SHC4: variants seen among roughly 807,000 people sequenced by gnomAD.
The protein encoded by SHC4 is SHC-transforming protein 4.
In SHC4, 41 loss-of-function variants were observed where a neutral mutation model predicts 69.4. The ratio of observed to expected loss-of-function variants is 0.59; its 90% CI spans 0.46 to 0.77. The LOEUF (loss-of-function observed/expected upper bound fraction) is 0.77. Ranked by LOEUF, SHC4 falls within the 30% of genes least tolerant of loss-of-function variation. The pLI is 0.00. For synonymous variants in SHC4, 318 were observed against 299.3 expected (o/e 1.06, Z -0.64); for missense variants, 777 against 783.8 (o/e 0.99, Z 0.10).
intron 11 of SHC4, among the ~76,000 whole-genome samples, chr15:48,829,568 T>C (rs1898756174): frequency 6.6e-6 from 1 of 152,234 alleles, no homozygotes; most frequent in African/African-American, 2.4e-5. Context: ...TGGTTATCAT[T>C]TTCATGGAAT....
intron 11 of SHC4, among the ~76,000 whole-genome samples, chr15:48,827,771 A>AT (rs1433580294): frequency 6.6e-6 from 1 of 152,136 alleles, no homozygotes; most frequent in Non-Finnish European, 1.5e-5. Context: ...AGTTTCAACT[A>AT]TTTTGAATTA....
At chr15:48,867,706 G>T in intron 6 of SHC4, 112 bp downstream of exon 6, 2 of 886,546 alleles carry the variant, frequency 2.3e-6, no homozygotes, top group Non-Finnish European at 3.6e-6. Context: ...CTAGAATCCA[G>T]TATAGCACCC....
chr15:48,899,189 A>G (rs897826882), intron 2 of SHC4, among the ~76,000 whole-genome samples: 1 of 152,202 alleles, frequency 6.6e-6, no homozygotes, highest in East Asian at 1.9e-4. Context: ...CAGTTTGGCC[A>G]GGTGTGGTGG....
chr15:48,855,617 GA>G (rs1207293319), intron 8 of SHC4, among the ~76,000 whole-genome samples: 1 of 152,128 alleles, frequency 6.6e-6, no homozygotes, highest in Non-Finnish European at 1.5e-5. Context: ...GAAGCACAGG[GA>G]AAAGATTAGC....
chr15:48,931,542 G>C (rs1900965111), intron 1 of SHC4, among the ~76,000 whole-genome samples: 1 of 151,772 alleles, frequency 6.6e-6, no homozygotes, highest in Non-Finnish European at 1.5e-5. Context: ...CCAATCAAGA[G>C]GTAAGCCGCA....
intron 2 of SHC4, among the ~76,000 whole-genome samples, chr15:48,922,514 G>T (rs546412655): frequency 6.6e-6 from 1 of 152,300 alleles, no homozygotes; most frequent in Admixed American, 6.5e-5. Flanking sequence ...CCTCAGCCAG[G>T]TTCTTCTTGC....
chr15:48,867,708 A>G, intron 6 of SHC4, 110 bp downstream of exon 6: 1 of 905,316 alleles, frequency 1.1e-6, no homozygotes, highest in Non-Finnish European at 1.7e-6. Context: ...AGAATCCAGT[A>G]TAGCACCCTA....
At chr15:48,922,520 C>G (rs1224244054) in intron 2 of SHC4, among the ~76,000 whole-genome samples, 1 of 152,234 alleles carries the variant, frequency 6.6e-6, no homozygotes, top group African/African-American at 2.4e-5. Context: ...CCAGGTTCTT[C>G]TTGCTGCATC....
At chr15:48,856,171 T>C (rs1899310455) in intron 7 of SHC4, 47 bp from the exon 8 acceptor site, 5 of 1,563,416 alleles carry the variant, frequency 3.2e-6, no homozygotes, top group Admixed American at 1.8e-5. Flanking sequence ...AAAATTCAAA[T>C]ACTGTAAGGG....
At chr15:48,918,080 CTA>C (rs778558086) in intron 2 of SHC4, among the ~76,000 whole-genome samples, 36 of 152,152 alleles carry the variant, frequency 2.4e-4, no homozygotes, top group Admixed American at 8.5e-4. Context: ...CTGAATTATT[CTA>C]TGTTTGGTGG....
chr15:48,867,922 A>G, intron 5 of SHC4, 53 bp from the exon 6 acceptor site: 1 of 1,451,732 alleles, frequency 6.9e-7, no homozygotes, highest in Non-Finnish European at 9.6e-7. Flanking sequence ...GTACTGTTGA[A>G]AGAAACATAT....
intron 4 of SHC4, chr15:48,878,866 G>T (rs961026791): frequency 8.6e-6 from 7 of 811,546 alleles, no homozygotes; most frequent in Non-Finnish European, 1.4e-5. Flanking sequence ...TTGTTTTTCA[G>T]AATAGAACAC....
At chr15:48,843,342 T>C (rs1899027217) in intron 10 of SHC4, 67 bp downstream of exon 10, 1 of 1,453,378 alleles carries the variant, frequency 6.9e-7, no homozygotes, top group East Asian at 2.3e-5. Flanking sequence ...AAAGAATAAA[T>C]TTCTGTTTGT....
intron 11 of SHC4, 134 bp from the exon 12 acceptor site, chr15:48,826,260 T>C: frequency 2.2e-6 from 2 of 921,328 alleles, no homozygotes; most frequent in Non-Finnish European, 3.1e-6. Context: ...GTACTTTTTT[T>C]TTTTTTTTTG....
At chr15:48,955,070 C>T (rs925581122) in intron 1 of SHC4, among the ~76,000 whole-genome samples, 1 of 152,170 alleles carries the variant, frequency 6.6e-6, no homozygotes, top group Non-Finnish European at 1.5e-5. Context: ...TGAGAAAAAG[C>T]TCCATGAGTT....
chr15:48,877,341 T>C, intron 4 of SHC4: 1 of 696,110 alleles, frequency 1.4e-6, no homozygotes, highest in Non-Finnish European at 1.8e-6. Context: ...AACTATAATG[T>C]AATAATAATA....
At chr15:48,867,426 C>T (rs911401302) in intron 6 of SHC4, among the ~76,000 whole-genome samples, 3 of 149,038 alleles carry the variant, frequency 2.0e-5, no homozygotes, top group Non-Finnish European at 4.4e-5. Context: ...TACACAGACA[C>T]ACAGACACAC....
intron 6 of SHC4, among the ~76,000 whole-genome samples, chr15:48,862,302 T>C (rs1899462621): frequency 6.6e-6 from 1 of 152,052 alleles, no homozygotes. Flanking sequence ...AGGGAAAATA[T>C]TAAAACATTC....
intron 1 of SHC4, among the ~76,000 whole-genome samples, chr15:48,934,091 C>T (rs1177069877): frequency 6.6e-6 from 1 of 151,756 alleles, no homozygotes; most frequent in East Asian, 1.9e-4. Context: ...GGTTGGACTT[C>T]ATAAAAATTA....
Sources: gnomAD v4.1 joint callset for allele counts (sites outside exome capture counted in the v4.1 genomes callset) on GRCh38, gnomAD v4.1.1 for gene constraint, MANE v1.5 for transcripts, NCBI Gene and HGNC (gene_info 2026-07-23, HGNC 2026-07-21) for gene names.